The following C3orf20 variants were observed in gnomAD, a reference collection of about 807,000 sequenced individuals.
The protein encoded by C3orf20 is uncharacterized protein C3orf20.
A neutral mutation model predicts 88.3 loss-of-function variants in C3orf20; 76 were observed. That is an observed-to-expected ratio of 0.86 (90% CI 0.72 to 1.04). C3orf20 has a LOEUF of 1.04. C3orf20 is among the 50% of genes least tolerant of loss of function. The probability of loss-of-function intolerance (pLI) is 0.00; values close to 1 mark genes in which losing one functional copy is unlikely to be tolerated. For synonymous variants in C3orf20, 436 were observed against 437.4 expected, an observed-to-expected ratio of 1.00 and a Z score of 0.04; for missense variants, 1,056 against 1,123.3, an observed-to-expected ratio of 0.94 and a Z score of 0.86.
rs142340391 is a variant in C3orf20 at position 14,682,808 on chromosome 3, G to T, written c.95G>T (p.Cys32Phe). The T allele has an allele frequency of 8.7e-6, 14 of 1,614,002 alleles. No individual in the cohort carries two copies. In the African/African-American group the frequency reaches 1.5e-4, roughly 17 times the overall value. ...LARISKLLMI[C>F]QNAGISVPKG... ...CGCATCTCCAAACTCCTCATGATCT[G>T]CCAGAATGCAGGCATTTCTGTACCA... Residue 32 changes from cysteine to phenylalanine, a missense_variant, in exon 3 of 17, where the codon TGC becomes TTC. Transcript: ENST00000253697.
chr3:14,756,802 C>T (rs905402755), intron 12 of C3orf20, among the ~76,000 whole-genome samples: 4 of 152,176 alleles, frequency 2.6e-5, no homozygotes, highest in African/African-American at 9.7e-5. Context: ...AAGCACATGG[C>T]AGGGACTTTG....
rs1289108173 is a variant in C3orf20 at position 14,682,863 on chromosome 3, T to C, written c.150T>C (p.Thr50=). 6.2e-7 allele frequency: 1 copy of C among 1,614,240 alleles called. No homozygotes were observed. Among genetic ancestry groups the C allele is most frequent in the Admixed American group, 1.7e-5 (1 of 60,032 alleles). ...PKGIRNIFEF[T]WEELISDPSV... ...GCATCAGAAACATCTTTGAGTTCAC[T>C]TGGGAAGAGCTCATCAGTGACCCTT... The change falls in exon 3 of 17, where the codon ACT becomes ACC. Residue 50 remains threonine, a synonymous_variant. Transcript: ENST00000253697.
intron 4 of C3orf20, among the ~76,000 whole-genome samples, chr3:14,689,634 G>C (rs1283278357): frequency 1.3e-5 from 2 of 152,128 alleles, no homozygotes; most frequent in Non-Finnish European, 2.9e-5. Context: ...GGAATAGATG[G>C]TTCTTAATTT....
chr3:14,756,464 A>G (rs2035376077), intron 12 of C3orf20, among the ~76,000 whole-genome samples: 1 of 152,206 alleles, frequency 6.6e-6, no homozygotes, highest in South Asian at 2.1e-4. Flanking sequence ...TAGGACAGAG[A>G]AGTGCAATAA....
intron 9 of C3orf20, among the ~76,000 whole-genome samples, chr3:14,720,500 G>A (rs779168098): frequency 5.3e-5 from 8 of 152,172 alleles, no homozygotes; most frequent in Non-Finnish European, 8.8e-5. Context: ...AACTGGAATA[G>A]TAGAAAGAAA....
chr3:14,680,219 A>G (rs1015630071), intron 1 of C3orf20, among the ~76,000 whole-genome samples: 1 of 152,192 alleles, frequency 6.6e-6, no homozygotes, highest in Non-Finnish European at 1.5e-5. Context: ...TCATAGCACT[A>G]TTCATAATAG....
At chr3:14,753,573 T>C (rs1355045245) in intron 12 of C3orf20, among the ~76,000 whole-genome samples, 1 of 152,222 alleles carries the variant, frequency 6.6e-6, no homozygotes, top group South Asian at 2.1e-4. Context: ...CAGTTTCTAG[T>C]AAATTTTTTT....
chr3:14,733,370 T>C (rs1290797534), intron 12 of C3orf20, among the ~76,000 whole-genome samples: 1 of 152,190 alleles, frequency 6.6e-6, no homozygotes, highest in Non-Finnish European at 1.5e-5. Context: ...TTCTAGACTT[T>C]AGGAGTTTTT....
intron 1 of C3orf20, among the ~76,000 whole-genome samples, chr3:14,677,564 G>A (rs1409447171): frequency 1.3e-5 from 2 of 151,916 alleles, no homozygotes; most frequent in Non-Finnish European, 1.5e-5. Context: ...GCAATAGCGC[G>A]ATCTCAACTC....
In C3orf20 at chr3:14,760,724, C is replaced by T. The variant is rs182274102; in HGVS notation, c.2352+726C>T. ...TCCCGGATTCAAGTGATTATCCTGCCTCAGCCTCCCAAGTAGCTGGGACTA... is the reference window on the plus strand; with the variant it reads ...TCCCGGATTCAAGTGATTATCCTGCTTCAGCCTCCCAAGTAGCTGGGACTA... On this transcript the variant is annotated intron_variant, in intron 14 of 16. Coordinates refer to ENST00000253697, the MANE Select transcript of C3orf20 (RefSeq NM_032137.5). Among the ~76,000 whole-genome samples the T allele has an allele frequency of 1.4e-4, 21 of 150,822 alleles. No homozygotes were observed. In the East Asian group the frequency reaches 2.0e-3, roughly 14 times the overall value.
chr3:14,714,440 T>C (rs984042367), intron 8 of C3orf20, among the ~76,000 whole-genome samples: 1 of 152,184 alleles, frequency 6.6e-6, no homozygotes, highest in Non-Finnish European at 1.5e-5. Context: ...TGATTGTTAG[T>C]TATATTAATG....
chr3:14,734,248 T>C lies in C3orf20; in HGVS notation c.1940+5560T>C, dbSNP rs551929528. Among the ~76,000 whole-genome samples, 7 of 152,230 alleles carry C rather than the reference T, an allele frequency of 4.6e-5. No individual in the cohort carries two copies. The South Asian group carries it at 1.2e-3, about 27-fold the overall frequency. On this transcript the variant is annotated intron_variant, in intron 12 of 16. Transcript: ENST00000253697. ...TTTCCTTCTGTCTACTTTCTTTGGG[T>C]TTAATTTTATATTCTTTTTCTGACT...
At chr3:14,761,363 G>A in intron 14 of C3orf20, 110 bp from the exon 15 acceptor site, 1 of 1,318,996 alleles carries the variant, frequency 7.6e-7, no homozygotes, top group South Asian at 1.2e-5. Context: ...CGTAAGCTCT[G>A]AGAGGCCTGT....
intron 11 of C3orf20, 40 bp downstream of exon 11, chr3:14,727,064 C>T: frequency 6.2e-7 from 1 of 1,611,604 alleles, no homozygotes; most frequent in East Asian, 2.2e-5. Context: ...TATCTGTTGG[C>T]TTCCCCAGTC....
At chr3:14,712,814 A>G (rs1052183276) in intron 7 of C3orf20, among the ~76,000 whole-genome samples, 3 of 152,202 alleles carry the variant, frequency 2.0e-5, no homozygotes, top group Admixed American at 2.0e-4. Context: ...GATTCCCTTC[A>G]GCATTTTTTT....
chr3:14,684,840 G>A (rs1397515191), intron 4 of C3orf20, among the ~76,000 whole-genome samples: 23 of 152,102 alleles, frequency 1.5e-4, no homozygotes, highest in Admixed American at 9.8e-4. Flanking sequence ...GGCTGCACTC[G>A]AGTCATACAG....
chr3:14,739,709 G>T (rs2034843636), intron 12 of C3orf20, among the ~76,000 whole-genome samples: 1 of 152,182 alleles, frequency 6.6e-6, no homozygotes, highest in Admixed American at 6.5e-5. Flanking sequence ...CTGTTGTTTA[G>T]TATAGTCACC....
intron 5 of C3orf20, among the ~76,000 whole-genome samples, chr3:14,691,767 A>G (rs959591538): frequency 2.0e-5 from 3 of 152,160 alleles, no homozygotes; most frequent in Admixed American, 1.3e-4. Flanking sequence ...AAACAATTCA[A>G]TTGTACTCTT....
rs769781446 is a variant in C3orf20, at chr3:14,757,466, C to T, written c.2036C>T (p.Thr679Ile). The T allele has an allele frequency of 1.2e-6, 2 of 1,613,084 alleles. No homozygotes were observed. Among genetic ancestry groups the T allele is most frequent in the South Asian group, 2.2e-5 (2 of 91,040 alleles). ...CGGAAGCTCATGCTCAAGGAAGACA[C>T]CCGTGCTGGCTGCAAGTGCCTGGTG... Reference protein sequence around the residue: ...VLRKLMLKEDTRAGCKCLVKA... With the variant: ...VLRKLMLKEDIRAGCKCLVKA... Residue 679 changes from threonine (T) to isoleucine (I), a missense_variant, in exon 13 of 17, where the codon ACC becomes ATC. By Grantham distance (89) the Thr-to-Ile change is moderately conservative. Coordinates refer to ENST00000253697, the MANE Select transcript of C3orf20 (RefSeq NM_032137.5).
Sources: gnomAD v4.1 joint callset for allele counts (sites outside exome capture counted in the v4.1 genomes callset) on GRCh38, gnomAD v4.1.1 for gene constraint, MANE v1.5 for transcripts, NCBI Gene and HGNC (gene_info 2026-07-23, HGNC 2026-07-21) for gene names.